The following HNRNPUL1 variants were observed in gnomAD, a reference collection of about 807,000 sequenced individuals.
HNRNPUL1 encodes the protein heterogeneous nuclear ribonucleoprotein U like 1.
Under a neutral mutation model 108.5 loss-of-function variants are expected in HNRNPUL1, and 14 were observed. The observed-to-expected ratio is 0.13, with a 90% CI of 0.09 to 0.20. The LOEUF is 0.20. Ranked by LOEUF, HNRNPUL1 falls within the 10% of genes least tolerant of loss-of-function variation. The pLI, the probability that HNRNPUL1 is intolerant of heterozygous loss-of-function variation, is 1.00. For synonymous variants in HNRNPUL1, 422 were observed against 445.2 expected (o/e 0.95, Z 0.66); for missense variants, 804 against 1,168.3 (o/e 0.69, Z 4.55).
intron 10 of HNRNPUL1, among the ~76,000 whole-genome samples, chr19:41,300,850 T>A (rs2122937376): frequency 6.6e-6 from 1 of 152,040 alleles, no homozygotes; most frequent in Admixed American, 6.5e-5. Flanking sequence ...GGTTAGAAGC[T>A]TGTGGGTGAG....
rs760017863 is a variant in HNRNPUL1 at position 41,273,978 on chromosome 19, A to G, written c.573-4A>G. On this transcript the variant is annotated splice_polypyrimidine_tract_variant and splice_region_variant and intron_variant, in intron 3 of 14. Coordinates refer to ENST00000392006, the MANE Select transcript of HNRNPUL1 (RefSeq NM_007040.6). ...GTATGACTTAACCCCTGTTTCTAAT[A>G]CAGGGGCCGCTCTCCTCAGCCTCCT... The G allele has an allele frequency of 3.7e-6, 6 of 1,613,072 alleles. No homozygotes were observed. The highest frequency in any genetic ancestry group is 5.1e-6 in the Non-Finnish European group (6 of 1,179,234).
rs1000492102 is a variant in HNRNPUL1 at position 41,272,299 on chromosome 19, T to G, written c.572+64T>G. The stretch of plus-strand genomic sequence containing the variant: ...GTTTCTATATCCATAGCCTCGTGCT[T>G]GCTGGGGACATTTGCACTAACCTAG... On this transcript the variant is annotated intron_variant, in intron 3 of 14. Coordinates refer to ENST00000392006, the MANE Select transcript of HNRNPUL1 (RefSeq NM_007040.6). 10 of 1,535,900 alleles carry G rather than the reference T, an allele frequency of 6.5e-6. No homozygotes were observed. In the African/African-American group the frequency reaches 1.4e-4, roughly 21 times the overall value.
chr19:41,290,474 C>T (rs771369673), intron 7 of HNRNPUL1, among the ~76,000 whole-genome samples: 14 of 152,110 alleles, frequency 9.2e-5, no homozygotes, highest in African/African-American at 1.4e-4. Flanking sequence ...CAAATTCCTG[C>T]GGTAAATTAG....
chr19:41,284,917 C>A (rs12973073), intron 7 of HNRNPUL1, among the ~76,000 whole-genome samples: 36,027 of 150,926 alleles, frequency 0.24, 5,652 homozygotes, highest in African/African-American at 0.44. Flanking sequence ...AATGGCGTGA[C>A]CCTGGGAGGC....
At chr19:41,269,718 A>ACTTGAG (rs1485173910) in intron 2 of HNRNPUL1, among the ~76,000 whole-genome samples, 3 of 152,128 alleles carry the variant, frequency 2.0e-5, no homozygotes. Context: ...CAGGAGGATC[A>ACTTGAG]CTTGAGCCCA....
chr19:41,270,917 G>A lies in HNRNPUL1; in HGVS notation c.419-1165G>A, dbSNP rs999535653. On this transcript the variant is annotated intron_variant, in intron 2 of 14. Transcript: ENST00000392006. ...GCCTCTCCTCCCCATTTTATAGATTGAGGAGTTGGCTTGTCCGATGGCAGA... is the reference window on the plus strand; with the variant it reads ...GCCTCTCCTCCCCATTTTATAGATTAAGGAGTTGGCTTGTCCGATGGCAGA... Among the ~76,000 whole-genome samples the A allele has an allele frequency of 3.3e-5, 5 of 152,088 alleles. No homozygotes were observed. In the East Asian group the frequency reaches 9.6e-4, roughly 29 times the overall value.
Position 41,281,252 on chromosome 19 carries a change from A to C in HNRNPUL1, c.976A>C (p.Asn326His), listed in dbSNP as rs2122646886. 6 of 1,613,908 alleles carry C rather than the reference A, an allele frequency of 3.7e-6. No homozygotes were observed. In the East Asian group the frequency reaches 1.3e-4, roughly 36 times the overall value. ...FENYGDKFAE[N>H]DVIGCFADFE... ...AAACTACGGAGACAAGTTTGCAGAG[A>C]ACGATGTGATTGGCTGCTTTGCGGT... The change falls in exon 7 of 15, where the codon AAC becomes CAC. Residue 326 changes from asparagine to histidine, a missense_variant. Asn to His is a moderately conservative substitution (Grantham distance 68). Coordinates refer to ENST00000392006, the MANE Select transcript of HNRNPUL1 (RefSeq NM_007040.6).
At chr19:41,276,539 C>T (rs2035568788) in intron 5 of HNRNPUL1, 1 of 413,904 alleles carries the variant, frequency 2.4e-6, no homozygotes, top group East Asian at 4.0e-5. Flanking sequence ...AGATTTGACC[C>T]AGGTATTATG....
At chr19:41,270,651 A>C (rs1400717682) in intron 2 of HNRNPUL1, among the ~76,000 whole-genome samples, 1 of 142,476 alleles carries the variant, frequency 7.0e-6, no homozygotes. Context: ...GCTGGAGTAC[A>C]ATGGTGTGAT....
chr19:41,282,784 G>T (rs1322041364), intron 7 of HNRNPUL1, among the ~76,000 whole-genome samples: 1 of 149,246 alleles, frequency 6.7e-6, no homozygotes, highest in Admixed American at 6.7e-5. Context: ...CCGCCTCCCG[G>T]GTTCACGCCA....
intron 7 of HNRNPUL1, among the ~76,000 whole-genome samples, chr19:41,289,500 G>T (rs1244698742): frequency 2.0e-5 from 3 of 152,196 alleles, no homozygotes; most frequent in African/African-American, 7.2e-5. Context: ...CAGGCTTCAG[G>T]AGTTTGGGTC....
At chr19:41,277,113 A>G (rs1283967458) in intron 5 of HNRNPUL1, among the ~76,000 whole-genome samples, 1 of 151,762 alleles carries the variant, frequency 6.6e-6, no homozygotes, top group African/African-American at 2.4e-5. Flanking sequence ...AAAAAACAAA[A>G]AAACAAAAAC....
chr19:41,296,187 G>A (rs952968639), intron 10 of HNRNPUL1, among the ~76,000 whole-genome samples: 1 of 152,294 alleles, frequency 6.6e-6, no homozygotes, highest in Middle Eastern at 3.4e-3. Context: ...CAAATATGTG[G>A]CCTAGGGGAG....
chr19:41,287,243 T>C (rs1350308527), intron 7 of HNRNPUL1, among the ~76,000 whole-genome samples: 1 of 151,912 alleles, frequency 6.6e-6, no homozygotes, highest in East Asian at 1.9e-4. Context: ...CTCAAACTCC[T>C]GACTTCGTGA....
At chr19:41,289,713 C>CTTTTTT (rs71177710) in intron 7 of HNRNPUL1, among the ~76,000 whole-genome samples, 2 of 119,932 alleles carry the variant, frequency 1.7e-5, no homozygotes, top group African/African-American at 3.3e-5. Flanking sequence ...TCTCCATGGT[C>CTTTTTT]TTTTTTTTTT....
intron 7 of HNRNPUL1, among the ~76,000 whole-genome samples, chr19:41,282,365 A>G (rs1169513344): frequency 6.6e-6 from 1 of 152,132 alleles, no homozygotes; most frequent in East Asian, 1.9e-4. Context: ...TATTTTTAGT[A>G]GAGACGGGGT....
chr19:41,296,101 CT>C (rs2036878388), intron 10 of HNRNPUL1, among the ~76,000 whole-genome samples: 1 of 152,200 alleles, frequency 6.6e-6, no homozygotes, highest in Non-Finnish European at 1.5e-5. Context: ...ATACATACCT[CT>C]TTTGGATACC....
In HNRNPUL1 at chr19:41,301,687, C is replaced by T. The variant is rs1340879858; in HGVS notation, c.1670C>T (p.Ala557Val). The T allele has an allele frequency of 1.9e-6, 3 of 1,612,752 alleles. No homozygotes were observed. Among genetic ancestry groups the T allele is most frequent in the Non-Finnish European group, 2.5e-6 (3 of 1,179,410 alleles). ...DEEGKDVPDH[A>V]VLEMKANFTL... is the part of the protein sequence containing the mutation. ...GAAGGGAAGGATGTCCCAGATCATG[C>T]GGTCTTAGAAATGAAAGGTAGGAAA... The change falls in exon 11 of 15, where the codon GCG becomes GTG. Residue 557 changes from alanine to valine, a missense_variant. By Grantham distance (64) the Ala-to-Val change is moderately conservative (BLOSUM62 0). This residue lies in a region of HNRNPUL1 where 80 missense variants were observed against 221.8 expected (regional missense o/e 0.36). Transcript: ENST00000392006.
intron 5 of HNRNPUL1, among the ~76,000 whole-genome samples, chr19:41,277,906 G>A (rs558677717): frequency 1.8e-4 from 28 of 151,894 alleles, no homozygotes; most frequent in Non-Finnish European, 2.9e-4. Flanking sequence ...AGGTAGATAC[G>A]GATATTCGGC....
Sources: gnomAD v4.1 joint callset for allele counts (sites outside exome capture counted in the v4.1 genomes callset) on GRCh38, gnomAD v4.1.1 for gene constraint, gnomAD v4.1.1 regional missense constraint, MANE v1.5 for transcripts, NCBI Gene and HGNC (gene_info 2026-07-23, HGNC 2026-07-21) for gene names.